Variants in PAFAH1B1 observed in about 807,000 individuals in gnomAD.
The protein encoded by PAFAH1B1 is platelet activating factor acetylhydrolase 1b regulatory subunit 1.
PAFAH1B1 carries 2 observed loss-of-function variants against 57.5 expected under a neutral mutation model. The ratio of observed to expected loss-of-function variants is 0.03; its 90% CI spans 0.01 to 0.11. The LOEUF (loss-of-function observed/expected upper bound fraction) is 0.11, where lower values mean the gene tolerates loss of function less well. Among genes scored for constraint, PAFAH1B1 ranks in the 10% least tolerant of loss-of-function variants. The pLI is 1.00. For missense variants in PAFAH1B1, 257 were observed against 512.0 expected, an observed-to-expected ratio of 0.50 and a Z score of 4.81; for synonymous variants, 152 against 169.6, an observed-to-expected ratio of 0.90 and a Z score of 0.81.
At chr17:2,673,084 G>T (rs1266080915) in intron 7 of PAFAH1B1, among the ~76,000 whole-genome samples, 1 of 151,776 alleles carries the variant, frequency 6.6e-6, no homozygotes, top group Non-Finnish European at 1.5e-5. Flanking sequence ...AAAAGAAAAG[G>T]CATCAGCTTA....
chr17:2,650,785 C>T (rs1373069972), intron 2 of PAFAH1B1, among the ~76,000 whole-genome samples: 3 of 151,922 alleles, frequency 2.0e-5, no homozygotes, highest in African/African-American at 7.3e-5. Context: ...TAATGCCATT[C>T]TCTTCCTCTG....
intron 1 of PAFAH1B1, among the ~76,000 whole-genome samples, chr17:2,599,971 CTTTTTTTTTTT>C (rs34442256): frequency 4.8e-5 from 4 of 82,774 alleles, no homozygotes; most frequent in Admixed American, 3.1e-4. Context: ...CATTTTTAAC[CTTTTTTTTTTT>C]TTTTTTTTTT....
Position 2,680,112 on chromosome 17 carries a change from CTATT to C in PAFAH1B1, c.1003-49_1003-46del, listed in dbSNP as rs1356958051. On this transcript the variant is annotated intron_variant, in intron 9 of 10. Coordinates refer to ENST00000397195, the MANE Select transcript of PAFAH1B1 (RefSeq NM_000430.4). ...GTTTTATCGTATTATGAAATAGATGCTATTTAAACATTTTGCCTTTTACTGAGTC... is the reference window on the plus strand; with the variant it reads ...GTTTTATCGTATTATGAAATAGATGCTAAACATTTTGCCTTTTACTGAGTC... 12 of 1,460,744 alleles carry C rather than the reference CTATT, an allele frequency of 8.2e-6. No individual in the cohort carries two copies. The African/African-American group carries it at 1.5e-4, about 19-fold the overall frequency. 90.5% of individuals were successfully genotyped at this position (1,460,744 alleles called of 1,614,324 possible).
intron 6 of PAFAH1B1, among the ~76,000 whole-genome samples, chr17:2,670,855 T>C (rs1272959131): frequency 6.6e-6 from 1 of 152,220 alleles, no homozygotes; most frequent in African/African-American, 2.4e-5. Flanking sequence ...TTCCTACTTG[T>C]CTACTTACGG....
rs534219431 is a variant in PAFAH1B1 at position 2,621,607 on chromosome 17, CTTTTTTTTT to C, written c.-190-16464_-190-16456del. Among the ~76,000 whole-genome samples, 3 of 84,760 alleles carry C rather than the reference CTTTTTTTTT, an allele frequency of 3.5e-5. No homozygotes were observed. The Admixed American group carries it at 4.5e-4, about 13-fold the overall frequency. The allele number at this position is 84,760 out of a possible 152,430, so 55.6% of individuals were successfully genotyped here. A position where few individuals can be genotyped will look rare whatever the true frequency, so the allele number is the denominator to read the frequency against. ...TATTCAAGCATGGTAGATAATCTGT[CTTTTTTTTT>C]TTTTTTTTTTTTTTTTTTTTTTTTT... On this transcript the variant is annotated intron_variant, in intron 1 of 10. Transcript: ENST00000397195.
chr17:2,646,659 A>T (rs1032682794), intron 2 of PAFAH1B1, among the ~76,000 whole-genome samples: 2 of 151,994 alleles, frequency 1.3e-5, no homozygotes, highest in Non-Finnish European at 2.9e-5. Context: ...AAATAATAAA[A>T]TAAATAAATA....
At chr17:2,597,959 A>C (rs1484110032) in intron 1 of PAFAH1B1, among the ~76,000 whole-genome samples, 1 of 152,090 alleles carries the variant, frequency 6.6e-6, no homozygotes, top group Non-Finnish European at 1.5e-5. Flanking sequence ...TAAGATGAAG[A>C]TGTCTGGCCA....
At position 2,667,052 on chromosome 17, in the gene PAFAH1B1, C is replaced by G; in HGVS notation, c.253C>G (p.Leu85Val). The G allele has an allele frequency of 6.2e-7, 1 of 1,613,992 alleles. No homozygotes were observed. Among genetic ancestry groups the G allele is most frequent in the Non-Finnish European group, 8.5e-7 (1 of 1,179,918 alleles). Residue 85 changes from leucine (L) to valine (V), a missense_variant, in exon 5 of 11, where the codon CTT (leucine) becomes GTT (valine). By Grantham distance (32) the Leu-to-Val change is conservative (BLOSUM62 1). Coordinates refer to ENST00000397195, the MANE Select transcript of PAFAH1B1 (RefSeq NM_000430.4). ...AKEEFTSGGP[L>V]GQKRDPKEWI... ...AGAAGAATTTACGTCAGGTGGACCTCTTGGTCAGAAACGAGACCCAAAAGA... is the reference window on the plus strand; with the variant it reads ...AGAAGAATTTACGTCAGGTGGACCTGTTGGTCAGAAACGAGACCCAAAAGA...
intron 1 of PAFAH1B1, among the ~76,000 whole-genome samples, chr17:2,633,414 T>C (rs1030893058): frequency 6.6e-6 from 1 of 151,896 alleles, no homozygotes; most frequent in Non-Finnish European, 1.5e-5. Context: ...GTAATCCACC[T>C]GCCTCAGCCT....
chr17:2,681,591 A>T, intron 10 of PAFAH1B1, 138 bp from the exon 11 acceptor site: 1 of 663,462 alleles, frequency 1.5e-6, no homozygotes, highest in Non-Finnish European at 2.7e-6. Flanking sequence ...TCTCCCGAGT[A>T]GCTGGGACTA....
Position 2,664,665 on chromosome 17 carries a change from G to GCGCGCTCTCTCTCTCTCTCTCTCTCTCT in PAFAH1B1, c.33-706_33-705insGCGCTCTCTCTCTCTCTCTCTCTCTCTC. On this transcript the variant is annotated intron_variant, in intron 2 of 10. Coordinates refer to ENST00000397195, the MANE Select transcript of PAFAH1B1 (RefSeq NM_000430.4). ...TGATATATATCTATATCTATCTATC[G>GCGCGCTCTCTCTCTCTCTCTCTCTCTCT]CTCTCTCTCTCTCTCTCTCTCTCTC... Among the ~76,000 whole-genome samples the GCGCGCTCTCTCTCTCTCTCTCTCTCTCT allele has an allele frequency of 8.3e-4, 71 of 86,052 alleles. 1 individual carries two copies. Among genetic ancestry groups the GCGCGCTCTCTCTCTCTCTCTCTCTCTCT allele is most frequent in the Non-Finnish European group, 1.5e-3 (56 of 37,946 alleles). The allele number at this position is 86,052 out of a possible 152,430, so 56.5% of individuals were successfully genotyped here.
rs571249208 is a variant in PAFAH1B1, at chr17:2,601,433, A to T, written c.-191+7427A>T. Among the ~76,000 whole-genome samples the T allele has an allele frequency of 3.3e-5, 5 of 150,012 alleles. No homozygotes were observed. The South Asian group carries it at 8.5e-4, about 25-fold the overall frequency. On this transcript the variant is annotated intron_variant, in intron 1 of 10. Transcript: ENST00000397195. ...CAGGCATGAGCCACCGTGCCCAGCC[A>T]CACCTGGCTAATTTTTGTTTTTTGA... is the stretch of plus-strand genomic sequence containing the variant.
At chr17:2,621,300 C>T (rs970816676) in intron 1 of PAFAH1B1, among the ~76,000 whole-genome samples, 5 of 152,152 alleles carry the variant, frequency 3.3e-5, no homozygotes, top group African/African-American at 1.2e-4. Flanking sequence ...CATTTAGCTC[C>T]CGCTTGTAAG....
At chr17:2,650,510 T>TAAA (rs11385415) in intron 2 of PAFAH1B1, among the ~76,000 whole-genome samples, 1 of 128,350 alleles carries the variant, frequency 7.8e-6, no homozygotes, top group Non-Finnish European at 1.7e-5. Context: ...AGACTCCATC[T>TAAA]AAAAAAAAAA....
intron 2 of PAFAH1B1, among the ~76,000 whole-genome samples, chr17:2,646,299 T>G (rs538710747): frequency 2.0e-5 from 3 of 152,256 alleles, no homozygotes; most frequent in African/African-American, 7.2e-5. Flanking sequence ...ATAACCAATT[T>G]AATAAAGAGA....
chr17:2,667,021 A>G lies in PAFAH1B1; in HGVS notation c.222A>G (p.Glu74=), dbSNP rs1283125290. ...TGGAATTAGAATCAAAGCTAAATGAAGCAAAAGAAGAATTTACGTCAGGTG... is the reference window on the plus strand; with the variant it reads ...TGGAATTAGAATCAAAGCTAAATGAGGCAAAAGAAGAATTTACGTCAGGTG... ...KVMELESKLN[E]AKEEFTSGGP... Residue 74 remains glutamate, a synonymous_variant, in exon 5 of 11, where the codon GAA becomes GAG. Transcript: ENST00000397195. 6.2e-7 allele frequency: 1 copy of G among 1,613,864 alleles called. No homozygotes were observed. Among genetic ancestry groups the G allele is most frequent in the Non-Finnish European group, 8.5e-7 (1 of 1,179,736 alleles).
chr17:2,613,786 G>A (rs1597517737), intron 1 of PAFAH1B1: 1 of 305,232 alleles, frequency 3.3e-6, no homozygotes. Flanking sequence ...TTCTGCTTCT[G>A]CAGGAGCTCC....
intron 1 of PAFAH1B1, among the ~76,000 whole-genome samples, chr17:2,615,876 G>T (rs1319104961): frequency 6.6e-6 from 1 of 152,014 alleles, no homozygotes; most frequent in African/African-American, 2.4e-5. Flanking sequence ...CCCAGGAGGT[G>T]ATAAGGAAAT....
At chr17:2,668,279 G>A (rs911941490) in intron 5 of PAFAH1B1, among the ~76,000 whole-genome samples, 1 of 149,486 alleles carries the variant, frequency 6.7e-6, no homozygotes, top group Non-Finnish European at 1.5e-5. Context: ...AGCCAAGATC[G>A]CTCCACTGCA....
Sources: gnomAD v4.1 joint callset for allele counts (sites outside exome capture counted in the v4.1 genomes callset) on GRCh38, gnomAD v4.1.1 for gene constraint, MANE v1.5 for transcripts, NCBI Gene and HGNC (gene_info 2026-07-23, HGNC 2026-07-21) for gene names.